The following PCDHA2 variants were observed in gnomAD, a reference collection of about 807,000 sequenced individuals.
PCDHA2 encodes the protein protocadherin alpha 2, also known as protocadherin alpha-2.
PCDHA2 carries 58 observed loss-of-function variants against 66.0 expected under a neutral mutation model. That is an observed-to-expected ratio of 0.88 (90% confidence interval 0.71 to 1.09). The LOEUF is 1.09. Among genes scored for constraint, PCDHA2 ranks in the 50% least tolerant of loss-of-function variants. The pLI is 0.00. For synonymous variants in PCDHA2, 634 were observed against 554.0 expected (o/e 1.14, Z -2.03); for missense variants, 1,267 against 1,242.3 (o/e 1.02, Z -0.30).
In PCDHA2 at chr5:140,853,126, G is replaced by A. The variant is rs182768558; in HGVS notation, c.2388+55774G>A. 8.6e-5 allele frequency: 48 copies of A among 560,326 alleles called. 1 individual carries two copies. In the East Asian group the frequency reaches 5.9e-3, roughly 68 times the overall value. The allele number at this position is 560,326 out of a possible 1,614,324, so 34.7% of individuals were successfully genotyped here. On this transcript the variant is annotated intron_variant, in intron 1 of 3. Coordinates refer to ENST00000526136, the MANE Select transcript of PCDHA2 (RefSeq NM_018905.3). ...GATCTCCTGACCTCATGATCCTCCC[G>A]CCTCAGCCTCCCAAAATGCTGGGAT...
At chr5:140,975,876 A>G (rs573852863) in intron 1 of PCDHA2, among the ~76,000 whole-genome samples, 1 of 152,230 alleles carries the variant, frequency 6.6e-6, no homozygotes, top group South Asian at 2.1e-4. Context: ...TACCTAATTG[A>G]TTTTTTCCAC....
chr5:140,896,113 T>A (rs10053583), intron 1 of PCDHA2, among the ~76,000 whole-genome samples: 2,120 of 152,286 alleles, frequency 0.014, 43 homozygotes, highest in African/African-American at 0.049. Flanking sequence ...GCCTGGCCAA[T>A]GTACTGCATT....
chr5:140,865,458 GA>G (rs1462092731), intron 1 of PCDHA2: 4 of 152,192 alleles, frequency 2.6e-5, no homozygotes, highest in African/African-American at 9.6e-5. Flanking sequence ...TGATTTCTAT[GA>G]AGATAAACAT....
intron 1 of PCDHA2, chr5:140,928,471 G>A: frequency 6.2e-7 from 1 of 1,614,148 alleles, no homozygotes; most frequent in South Asian, 1.1e-5. Context: ...CCAAGTAGAA[G>A]GCCGGGATGG....
chr5:140,809,572 G>T, intron 1 of PCDHA2: 1 of 1,597,278 alleles, frequency 6.3e-7, no homozygotes, highest in Non-Finnish European at 8.5e-7. Flanking sequence ...CCTTTGCAAA[G>T]GTTAGTGTAT....
chr5:140,802,625 G>A, intron 1 of PCDHA2: 2 of 1,613,958 alleles, frequency 1.2e-6, no homozygotes, highest in Non-Finnish European at 8.5e-7. Context: ...ACATCTTCAC[G>A]GTGTCTGCGC....
intron 1 of PCDHA2, chr5:140,877,152 C>A (rs1662783035): frequency 6.2e-7 from 1 of 1,613,688 alleles, no homozygotes; most frequent in Non-Finnish European, 8.5e-7. Context: ...ACGAGAACGA[C>A]AACGCGCCGG....
At chr5:140,933,220 T>G (rs1179526168) in intron 1 of PCDHA2, among the ~76,000 whole-genome samples, 3 of 151,968 alleles carry the variant, frequency 2.0e-5, no homozygotes, top group African/African-American at 7.2e-5. Flanking sequence ...TCTGTTATAT[T>G]GCATTTATGA....
chr5:140,877,118 T>C, intron 1 of PCDHA2: 1 of 1,613,690 alleles, frequency 6.2e-7, no homozygotes, highest in South Asian at 1.1e-5. Flanking sequence ...GGCAGCAACG[T>C]GACGCTGCAG....
intron 1 of PCDHA2, chr5:140,825,891 G>A (rs1191731614): frequency 6.6e-6 from 1 of 152,362 alleles, no homozygotes; most frequent in Non-Finnish European, 1.5e-5. Context: ...GTTTATTAAA[G>A]CTGTATGTTT....
At chr5:140,807,997 C>A (rs1562213724) in intron 1 of PCDHA2, 4 of 1,613,450 alleles carry the variant, frequency 2.5e-6, no homozygotes, top group Middle Eastern at 1.7e-4. Context: ...CAGATTTAGA[C>A]GAAGGATTGA....
chr5:140,801,550 A>G lies in PCDHA2; in HGVS notation c.2388+4198A>G, dbSNP rs782806333. On this transcript the variant is annotated intron_variant, in intron 1 of 3. Transcript: ENST00000526136. The stretch of plus-strand genomic sequence containing the variant: ...GTGGACAGGCCGCTGCAGGTTTTCC[A>G]TGTGGAGGTGGAAGTGAAGGACATT... The G allele has an allele frequency of 4.8e-5, 77 of 1,614,100 alleles. No individual in the cohort carries two copies. The highest frequency in any genetic ancestry group is 5.7e-5 in the Non-Finnish European group (67 of 1,180,048).
At chr5:140,808,186 T>C (rs368094728) in intron 1 of PCDHA2, 4 of 1,614,204 alleles carry the variant, frequency 2.5e-6, no homozygotes, top group African/African-American at 1.3e-5. Context: ...TTTCTGGCCA[T>C]TGTAGAGTTA....
intron 1 of PCDHA2, among the ~76,000 whole-genome samples, chr5:140,846,219 G>A (rs1780263856): frequency 6.7e-6 from 1 of 149,418 alleles, no homozygotes; most frequent in South Asian, 2.1e-4. Flanking sequence ...TCCATTAATA[G>A]TATTTTTCTT....
intron 1 of PCDHA2, chr5:140,930,511 C>G (rs2086907383): frequency 6.6e-6 from 1 of 152,616 alleles, no homozygotes; most frequent in African/African-American, 2.4e-5. Context: ...GCATGAGCCA[C>G]TGCAGCTGGC....
intron 1 of PCDHA2, among the ~76,000 whole-genome samples, chr5:140,946,691 G>C (rs782114019): frequency 6.8e-6 from 1 of 147,578 alleles, no homozygotes; most frequent in Non-Finnish European, 1.5e-5. Flanking sequence ...TGACAATATG[G>C]ATGAATCTGG....
chr5:140,855,992 T>C (rs2043714140), intron 1 of PCDHA2: 2 of 1,492,956 alleles, frequency 1.3e-6, no homozygotes, highest in Admixed American at 4.4e-5. Context: ...AAATGTCAGA[T>C]CGTATGTGCG....
Position 140,842,573 on chromosome 5 carries a change from G to A in PCDHA2, c.2388+45221G>A, listed in dbSNP as rs1190804367. The A allele has an allele frequency of 6.6e-6, 10 of 1,507,924 alleles. 1 individual carries two copies. In the African/African-American group the frequency reaches 7.3e-5, roughly 11 times the overall value. 93.4% of individuals were successfully genotyped at this position (1,507,924 alleles called of 1,614,324 possible). A position where few individuals can be genotyped will look rare whatever the true frequency, so the allele number is the denominator to read the frequency against. On this transcript the variant is annotated intron_variant, in intron 1 of 3. Transcript: ENST00000526136. ...GGACAGCGCCCTGGACCGCGAGAGA[G>A]TGTCGGCCTATGAGTTGGTGGTAAC...
chr5:141,003,574 A>C (rs559561339), intron 3 of PCDHA2, among the ~76,000 whole-genome samples: 9 of 151,680 alleles, frequency 5.9e-5, no homozygotes, highest in African/African-American at 2.2e-4. Context: ...CAGACTCCCA[A>C]AGTGCTGGGA....
Sources: gnomAD v4.1 joint callset for allele counts (sites outside exome capture counted in the v4.1 genomes callset) on GRCh38, gnomAD v4.1.1 for gene constraint, MANE v1.5 for transcripts, NCBI Gene and HGNC (gene_info 2026-07-23, HGNC 2026-07-21) for gene names.